ALOXE3: variants seen among roughly 807,000 people sequenced by gnomAD.
The protein encoded by ALOXE3 is hydroperoxide isomerase ALOXE3.
In ALOXE3, 78 loss-of-function variants were observed where a neutral mutation model predicts 87.5. The ratio of observed to expected loss-of-function variants is 0.89; its 90% CI spans 0.74 to 1.08. The LOEUF is 1.08. Ranked by LOEUF, ALOXE3 falls within the 50% of genes least tolerant of loss-of-function variation. The pLI is 0.00. For synonymous variants in ALOXE3, 363 were observed against 370.8 expected, an observed-to-expected ratio of 0.98 and a Z score of 0.24; for missense variants, 946 against 912.4, an observed-to-expected ratio of 1.04 and a Z score of -0.47.
chr17:8,108,325 G>T, intron 13 of ALOXE3, 143 bp downstream of exon 13: 2 of 1,330,078 alleles, frequency 1.5e-6, no homozygotes, highest in Non-Finnish European at 2.0e-6. Flanking sequence ...CCTTCTTTGT[G>T]CCTCTTTCCA....
In ALOXE3 at chr17:8,110,241, A is replaced by G; in HGVS notation, c.1156T>C (p.Trp386Arg). 6.2e-7 allele frequency: 1 copy of G among 1,614,072 alleles called. No homozygotes were observed. Among genetic ancestry groups the G allele is most frequent in the Non-Finnish European group, 8.5e-7 (1 of 1,179,926 alleles). ...SPIFLPTDSE[W>R]DWLLAKTWVR... Reference sequence around the variant, plus strand: ...CACGTCTTGGCCAGCAGCCAGTCCCATTCGGAGTCAGTGGGCAGGAAGATG... The same window carrying G: ...CACGTCTTGGCCAGCAGCCAGTCCCGTTCGGAGTCAGTGGGCAGGAAGATG... The change falls in exon 10 of 16, where the codon TGG (tryptophan) becomes CGG (arginine). Residue 386 changes from tryptophan to arginine, a missense_variant. Coordinates refer to ENST00000448843, the MANE Select transcript of ALOXE3 (RefSeq NM_021628.3).
In ALOXE3 at chr17:8,118,007, G is replaced by T. The variant is rs766229382; in HGVS notation, c.-17C>A. On this transcript the variant is annotated 5_prime_UTR_variant, in exon 2 of 16. Coordinates refer to ENST00000448843, the MANE Select transcript of ALOXE3 (RefSeq NM_021628.3). ...CACTGCCATGATGGGAAGGAGGAAGGGATGCCCCGGCAACGCTGGCCGCAG... is the reference window on the plus strand; with the variant it reads ...CACTGCCATGATGGGAAGGAGGAAGTGATGCCCCGGCAACGCTGGCCGCAG... 6.2e-7 allele frequency: 1 copy of T among 1,609,172 alleles called. No individual in the cohort carries two copies. The highest frequency in any genetic ancestry group is 1.1e-5 in the South Asian group (1 of 90,712).
At chr17:8,099,059 A>G (rs1978757396) in intron 15 of ALOXE3, among the ~76,000 whole-genome samples, 1 of 138,944 alleles carries the variant, frequency 7.2e-6, no homozygotes, top group East Asian at 2.1e-4. Context: ...AGGTCTCACT[A>G]TATTACTCAG....
At chr17:8,116,401 C>A (rs568139375) in intron 3 of ALOXE3, among the ~76,000 whole-genome samples, 1 of 152,176 alleles carries the variant, frequency 6.6e-6, no homozygotes, top group Non-Finnish European at 1.5e-5. Flanking sequence ...CTCTGAGCAG[C>A]CAGGGCTTCT....
chr17:8,101,458 T>C (rs1329603137), intron 15 of ALOXE3, among the ~76,000 whole-genome samples: 3 of 152,176 alleles, frequency 2.0e-5, no homozygotes, highest in Non-Finnish European at 4.4e-5. Context: ...GTTATAAATT[T>C]CCAAGTTAAA....
At chr17:8,117,189 C>T (rs746571220) in intron 2 of ALOXE3, among the ~76,000 whole-genome samples, 20 of 152,322 alleles carry the variant, frequency 1.3e-4, no homozygotes, top group South Asian at 6.2e-4. Flanking sequence ...TTTGGGAGGC[C>T]GAGGCGGGTG....
Position 8,104,194 on chromosome 17 carries a change from G to T in ALOXE3, c.1706C>A (p.Thr569Asn), listed in dbSNP as rs142136672. Residue 569 changes from threonine (T) to asparagine (N), a missense_variant, in exon 14 of 16, where the codon ACC (threonine) becomes AAC (asparagine). By Grantham distance (65) the Thr-to-Asn change is moderately conservative. Coordinates refer to ENST00000448843, the MANE Select transcript of ALOXE3 (RefSeq NM_021628.3). ...GAGGAACTTCACCATCTCTCCTGGG[G>T]TGCACAGCCGGCTTGGGAAACCTGG... ...ESSGFPSRLCTPGEMVKFLTA... is the reference protein window; with the variant it reads ...ESSGFPSRLCNPGEMVKFLTA... 2.6e-4 allele frequency: 418 copies of T among 1,613,976 alleles called. No homozygotes were observed. Among genetic ancestry groups the T allele is most frequent in the Middle Eastern group, 6.6e-4 (4 of 6,062 alleles).
In ALOXE3 at chr17:8,117,893, C is replaced by T; in HGVS notation, c.98G>A (p.Ser33Asn). The T allele has an allele frequency of 1.2e-6, 2 of 1,612,020 alleles. No individual in the cohort carries two copies. Among genetic ancestry groups the T allele is most frequent in the Non-Finnish European group, 1.7e-6 (2 of 1,179,652 alleles). The change falls in exon 2 of 16, where the codon AGC (serine) becomes AAC (asparagine). Residue 33 changes from serine (S) to asparagine (N), a missense_variant. By Grantham distance (46) the Ser-to-Asn change is conservative (BLOSUM62 1). Coordinates refer to ENST00000448843, the MANE Select transcript of ALOXE3 (RefSeq NM_021628.3). ...SVTLVGTCGE[S>N]PKQRLDRMGR... ...CATTCGATCTAGCCGCTGCTTGGGG[C>T]TTTCACCACACGTGCCCACCAGTGT... is the stretch of plus-strand genomic sequence containing the variant.
chr17:8,104,731 C>A (rs1979163991), intron 13 of ALOXE3, among the ~76,000 whole-genome samples: 1 of 152,150 alleles, frequency 6.6e-6, no homozygotes, highest in Non-Finnish European at 1.5e-5. Flanking sequence ...GAAAGGGGCA[C>A]CAGGAGCAGA....
chr17:8,098,131 A>G (rs1978669417), intron 15 of ALOXE3, among the ~76,000 whole-genome samples: 1 of 152,110 alleles, frequency 6.6e-6, no homozygotes, highest in African/African-American at 2.4e-5. Context: ...AGCAGCAGTA[A>G]TAGTGGGCAT....
At chr17:8,104,005 T>C in intron 14 of ALOXE3, 110 bp downstream of exon 14, 1 of 927,892 alleles carries the variant, frequency 1.1e-6, no homozygotes, top group South Asian at 1.4e-5. Flanking sequence ...ACCCCAAGTC[T>C]AATCATAAAC....
intron 6 of ALOXE3, among the ~76,000 whole-genome samples, 170 bp from the exon 7 acceptor site, chr17:8,112,366 G>A (rs565840157): frequency 2.6e-5 from 4 of 152,222 alleles, no homozygotes; most frequent in South Asian, 2.1e-4. Context: ...CTGTGGCCTC[G>A]GAAGACCCTG....
In ALOXE3 at chr17:8,096,793, G is replaced by A. The variant is rs543397559; in HGVS notation, c.1970C>T (p.Thr657Ile). ...CTCTGTGAAGTGCTCATCTGGGTAG[G>A]TGCCCAGGGGCCTCTGGGAGGACAT... ...QEPKDQRPLG[T>I]YPDEHFTEEA... The change falls in exon 16 of 16, where the codon ACC (threonine) becomes ATC (isoleucine). Residue 657 changes from threonine (T) to isoleucine (I), a missense_variant. Physicochemically the swap from Thr to Ile is moderately conservative, Grantham distance 89 (BLOSUM62 -1). Transcript: ENST00000448843. The A allele has an allele frequency of 8.1e-6, 13 of 1,614,186 alleles. No individual in the cohort carries two copies. The East Asian group carries it at 2.7e-4, about 33-fold the overall frequency.
intron 6 of ALOXE3, among the ~76,000 whole-genome samples, chr17:8,114,025 CA>C (rs59622826): frequency 0.012 from 1,050 of 90,258 alleles, 14 homozygotes; most frequent in African/African-American, 0.031. Context: ...AACTCCGTCT[CA>C]AAAAAAAAAA....
In ALOXE3 at chr17:8,110,484, G is replaced by C; in HGVS notation, c.1002C>G (p.Ala334=). 1.2e-6 allele frequency: 2 copies of C among 1,613,898 alleles called. No individual in the cohort carries two copies. Among genetic ancestry groups the C allele is most frequent in the Non-Finnish European group, 1.7e-6 (2 of 1,179,910 alleles). The change falls in exon 9 of 16, where the codon GCC becomes GCG. Residue 334 remains alanine (A), a synonymous_variant. Transcript: ENST00000448843. ...GGCGGCCGTTTAGGCAGTGGGTGGG[G>C]GCCTCCGCCAGGATCCAGTAGTCCG... The part of the protein sequence containing the change: ...FLADYWILAE[A]PTHCLNGRQQ...
chr17:8,118,442 G>C, intron 1 of ALOXE3, 44 bp downstream of exon 1: 1 of 1,550,538 alleles, frequency 6.4e-7, no homozygotes, highest in Non-Finnish European at 8.7e-7. Context: ...TGTCCCCCAA[G>C]ATCTGTTCCT....
upstream of ALOXE3, chr17:8,118,780 C>T (rs989745088): frequency 6.5e-7 from 1 of 1,537,226 alleles, no homozygotes; most frequent in Non-Finnish European, 8.7e-7. Flanking sequence ...GCGTGGCATT[C>T]TTTCCGCTCC....
Position 8,116,675 on chromosome 17 carries a change from A to G in ALOXE3, c.352+101T>C. On this transcript the variant is annotated intron_variant, in intron 3 of 15. Coordinates refer to ENST00000448843, the MANE Select transcript of ALOXE3 (RefSeq NM_021628.3). ...TCTACTTGGGAGCCCAGAGTTTCTG[A>G]CCTCAATCTTATTCCCTATACTCTG... 2.2e-6 allele frequency: 3 copies of G among 1,379,630 alleles called. No individual in the cohort carries two copies. In the South Asian group the frequency reaches 3.6e-5, roughly 17 times the overall value. The allele number at this position is 1,379,630 out of a possible 1,614,324, so 85.5% of individuals were successfully genotyped here. A position where few individuals can be genotyped will look rare whatever the true frequency, so the allele number is the denominator to read the frequency against.
chr17:8,111,274 C>T, intron 8 of ALOXE3, 85 bp downstream of exon 8: 1 of 1,553,628 alleles, frequency 6.4e-7, no homozygotes, highest in Non-Finnish European at 8.8e-7. Context: ...AGGCCATTTC[C>T]ATACCCTCCA....
Sources: allele counts gnomAD v4.1 joint callset (sites outside exome capture counted in the v4.1 genomes callset), GRCh38; gene constraint gnomAD v4.1.1; transcripts MANE v1.5; gene names NCBI Gene and HGNC (gene_info 2026-07-23, HGNC 2026-07-21).